Variants in WDR59 observed in about 807,000 individuals in gnomAD.
The protein encoded by WDR59 is GATOR2 complex protein WDR59.
Under a neutral mutation model 131.2 loss-of-function variants are expected in WDR59, and 100 were observed. The ratio of observed to expected loss-of-function variants is 0.76; its 90% CI spans 0.65 to 0.90. WDR59 has a LOEUF of 0.90. Ranked by LOEUF, WDR59 falls within the 40% of genes least tolerant of loss-of-function variation. The pLI is 0.00. For synonymous variants in WDR59, 601 were observed against 466.2 expected (o/e 1.29, Z -3.72); for missense variants, 1,203 against 1,262.2 (o/e 0.95, Z 0.71).
At chr16:74,938,475 G>A (rs922260683) in intron 7 of WDR59, among the ~76,000 whole-genome samples, 3 of 152,176 alleles carry the variant, frequency 2.0e-5, no homozygotes, top group Non-Finnish European at 2.9e-5. Context: ...CTCTGAAAAT[G>A]CGCCTGTGAG....
intron 17 of WDR59, among the ~76,000 whole-genome samples, chr16:74,907,320 CAT>C (rs958564141): frequency 2.0e-5 from 3 of 152,192 alleles, no homozygotes; most frequent in African/African-American, 2.4e-5. Flanking sequence ...ACAATCCCCA[CAT>C]GTCAAGGGAG....
At chr16:74,878,644 C>T (rs948368475) in intron 25 of WDR59, among the ~76,000 whole-genome samples, 3 of 151,762 alleles carry the variant, frequency 2.0e-5, no homozygotes, top group Non-Finnish European at 4.4e-5. Context: ...AGACCTTGTT[C>T]CCACCCCCTC....
At chr16:74,914,698 A>T in intron 13 of WDR59, among the ~76,000 whole-genome samples, 1 of 150,704 alleles carries the variant, frequency 6.6e-6, no homozygotes, top group Non-Finnish European at 1.5e-5. Flanking sequence ...GGTTCAAGCG[A>T]TTCTCCTGCC....
chr16:74,961,799 T>C (rs2145182624), intron 2 of WDR59, among the ~76,000 whole-genome samples: 1 of 152,334 alleles, frequency 6.6e-6, no homozygotes, highest in Admixed American at 6.5e-5. Context: ...TTTAATCAGA[T>C]CCCATTTGTC....
At chr16:74,895,113 T>A (rs1411571197) in intron 18 of WDR59, among the ~76,000 whole-genome samples, 2 of 152,246 alleles carry the variant, frequency 1.3e-5, no homozygotes, top group African/African-American at 4.8e-5. Flanking sequence ...AGGGTTATCA[T>A]GTGTCTTGGA....
In WDR59 at chr16:74,873,500, A is replaced by G. The variant is rs372201294; in HGVS notation, c.*709T>C. On this transcript the variant is annotated 3_prime_UTR_variant, in exon 26 of 26. Coordinates refer to ENST00000262144, the MANE Select transcript of WDR59 (RefSeq NM_030581.4). ...CAGCATTTCCTTTAAAAATCGGAGC[A>G]CTGACTTTGGTCCTATTCAAAATAG... 11 of 152,258 alleles carry G rather than the reference A, an allele frequency of 7.2e-5. No homozygotes were observed. The East Asian group carries it at 2.1e-3, about 29-fold the overall frequency. 9.4% of individuals were successfully genotyped at this position (152,258 alleles called of 1,614,324 possible).
rs1322835793 is a variant in WDR59, at chr16:74,938,189, C to A, written c.612G>T (p.Glu204Asp). 6.3e-7 allele frequency: 1 copy of A among 1,581,250 alleles called. No homozygotes were observed. Among genetic ancestry groups the A allele is most frequent in the Admixed American group, 1.8e-5 (1 of 54,932 alleles). Reference protein sequence around the residue: ...IHGLDWHPDSEHILATSSQDN... With the variant: ...IHGLDWHPDSDHILATSSQDN... The stretch of plus-strand genomic sequence containing the variant: ...CTTGACTGGAGGTAGCAAGAATGTG[C>A]TCGCTGTCTGGGTGCCAGTCCAGGC... Residue 204 changes from glutamate to aspartate, a missense_variant, in exon 8 of 26, where the codon GAG becomes GAT. By Grantham distance (45) the Glu-to-Asp change is conservative. Transcript: ENST00000262144.
chr16:74,903,131 T>C (rs1032882825), intron 18 of WDR59, among the ~76,000 whole-genome samples: 2 of 152,230 alleles, frequency 1.3e-5, no homozygotes, highest in Non-Finnish European at 2.9e-5. Context: ...ATGGGTGTTT[T>C]GTCCAAAATA....
intron 20 of WDR59, among the ~76,000 whole-genome samples, chr16:74,891,789 T>C (rs960446881): frequency 2.0e-5 from 3 of 152,156 alleles, no homozygotes; most frequent in Admixed American, 2.0e-4. Context: ...CCGGGTTTGG[T>C]GGCACGCATC....
rs1965978975 is a variant in WDR59, at chr16:74,909,532, A to T, written c.1611T>A (p.Pro537=). 6.3e-7 allele frequency: 1 copy of T among 1,598,810 alleles called. No individual in the cohort carries two copies. The highest frequency in any genetic ancestry group is 8.5e-7 in the Non-Finnish European group (1 of 1,174,624). The change falls in exon 16 of 26, where the codon CCT becomes CCA. Residue 537 remains proline, a synonymous_variant. Transcript: ENST00000262144. ...GSYQDANIPF[P]RTSGARFCGA... Reference sequence around the variant, plus strand: ...CGCAGAACCTGGCCCCAGAAGTCCTAGGAAAGGGAATGTTGGCGTCCTGGT... The same window carrying T: ...CGCAGAACCTGGCCCCAGAAGTCCTTGGAAAGGGAATGTTGGCGTCCTGGT...
At chr16:74,876,643 G>T (rs1964228617) in intron 25 of WDR59, among the ~76,000 whole-genome samples, 1 of 152,170 alleles carries the variant, frequency 6.6e-6, no homozygotes, top group East Asian at 1.9e-4. Flanking sequence ...TCGTTAATTA[G>T]CGAATGATCT....
At chr16:74,927,024 C>T (rs1026541399) in intron 8 of WDR59, among the ~76,000 whole-genome samples, 13 of 152,152 alleles carry the variant, frequency 8.5e-5, no homozygotes, top group Non-Finnish European at 1.6e-4. Context: ...CACATATGAA[C>T]GGGCAAACAC....
intron 18 of WDR59, among the ~76,000 whole-genome samples, chr16:74,901,969 T>C (rs1340251749): frequency 6.6e-6 from 1 of 152,216 alleles, no homozygotes; most frequent in African/African-American, 2.4e-5. Context: ...TTCATTTTTA[T>C]CTTGTTAACC....
At chr16:74,882,977 C>T (rs112083116) in intron 25 of WDR59, among the ~76,000 whole-genome samples, 2,205 of 149,176 alleles carry the variant, frequency 0.015, 40 homozygotes, top group African/African-American at 0.049. Context: ...AGATGAAATC[C>T]TTTCCATTTA....
intron 7 of WDR59, among the ~76,000 whole-genome samples, chr16:74,940,956 A>G (rs527361282): frequency 6.6e-6 from 1 of 151,946 alleles, no homozygotes; most frequent in Non-Finnish European, 1.5e-5. Context: ...CACCCGCCTC[A>G]GCCTCCCAAA....
intron 25 of WDR59, among the ~76,000 whole-genome samples, chr16:74,875,917 C>T (rs1964190182): frequency 6.6e-6 from 1 of 152,186 alleles, no homozygotes; most frequent in African/African-American, 2.4e-5. Flanking sequence ...CTGCGCGGAG[C>T]CTGTGTTTCC....
rs780532970 is a variant in WDR59 at position 74,938,395 on chromosome 16, A to T, written c.535-129T>A. 26 of 566,432 alleles carry T rather than the reference A, an allele frequency of 4.6e-5. No individual in the cohort carries two copies. In the African/African-American group the frequency reaches 4.8e-4, roughly 10 times the overall value. 35.1% of individuals were successfully genotyped at this position (566,432 alleles called of 1,614,324 possible). ...CAGATACTGTCTCTACCCTACACAG[A>T]CTTTGTTTGTTTTGGTTAAGCCAAA... On this transcript the variant is annotated intron_variant, in intron 7 of 25. Coordinates refer to ENST00000262144, the MANE Select transcript of WDR59 (RefSeq NM_030581.4).
In WDR59 at chr16:74,889,866, G is replaced by A. The variant is rs1378194507; in HGVS notation, c.2083-51C>T. ...ACTCAAACTGGCAAGGACAAGAACC[G>A]AAACCATGAAGCAATCCCACCTGTC... On this transcript the variant is annotated intron_variant, in intron 20 of 25. Coordinates refer to ENST00000262144, the MANE Select transcript of WDR59 (RefSeq NM_030581.4). 7.0e-6 allele frequency: 10 copies of A among 1,429,338 alleles called. No individual in the cohort carries two copies. The Middle Eastern group carries it at 5.3e-4, about 76-fold the overall frequency. The allele number at this position is 1,429,338 out of a possible 1,614,324, so 88.5% of individuals were successfully genotyped here. A position where few individuals can be genotyped will look rare whatever the true frequency, so the allele number is the denominator to read the frequency against.
In WDR59 at chr16:74,913,043, T is replaced by G. The variant is rs140376136; in HGVS notation, c.1225-681A>C. On this transcript the variant is annotated intron_variant, in intron 13 of 25. Transcript: ENST00000262144. ...AGTGCTGCAGAGACTTTATGGCCAG[T>G]TTTGGGGCCAGTTTATGGCTAGATT... 8.2e-3 allele frequency among the ~76,000 whole-genome samples: 1,171 copies of G among 143,390 alleles called. 13 individuals carry two copies. Among genetic ancestry groups the G allele is most frequent in the African/African-American group, 0.029 (1,097 of 38,224 alleles). 94.1% of individuals were successfully genotyped at this position (143,390 alleles called of 152,430 possible).
Sources: gnomAD v4.1 joint callset for allele counts (sites outside exome capture counted in the v4.1 genomes callset) on GRCh38, gnomAD v4.1.1 for gene constraint, MANE v1.5 for transcripts, NCBI Gene and HGNC (gene_info 2026-07-23, HGNC 2026-07-21) for gene names.